Variants in AFF4 observed in about 807,000 individuals in gnomAD.
AFF4 encodes AF4/FMR2 family member 4.
AFF4 carries 13 observed loss-of-function variants against 124.8 expected under a neutral mutation model. The ratio of observed to expected loss-of-function variants is 0.10; its 90% CI spans 0.07 to 0.17. The LOEUF (loss-of-function observed/expected upper bound fraction) is 0.17, where lower values mean the gene tolerates loss of function less well. Among genes scored for constraint, AFF4 ranks in the 10% least tolerant of loss-of-function variants. AFF4 has a pLI of 1.00. For missense variants in AFF4, 1,092 were observed against 1,403.8 expected, an observed-to-expected ratio of 0.78 and a Z score of 3.55; for synonymous variants, 477 against 496.1, an observed-to-expected ratio of 0.96 and a Z score of 0.51.
At chr5:132,882,366 T>C (rs1027198754) in intron 20 of AFF4, among the ~76,000 whole-genome samples, 1 of 152,206 alleles carries the variant, frequency 6.6e-6, no homozygotes, top group African/African-American at 2.4e-5. Flanking sequence ...TTGGCTAATG[T>C]AGTGTTTCTC....
At chr5:132,913,362 A>G (rs1317022077) in intron 5 of AFF4, among the ~76,000 whole-genome samples, 9 of 152,240 alleles carry the variant, frequency 5.9e-5, no homozygotes, top group Admixed American at 5.2e-4. Context: ...TAATTGATAG[A>G]ATTAAAATGA....
chr5:132,885,013 T>G (rs746298672), intron 19 of AFF4, 63 bp downstream of exon 19: 138 of 1,219,664 alleles, frequency 1.1e-4, no homozygotes, highest in Non-Finnish European at 1.5e-4. Context: ...TTTTGGAAAT[T>G]GGACCATACT....
intron 1 of AFF4, among the ~76,000 whole-genome samples, chr5:132,957,981 C>T (rs1761999413): frequency 6.6e-6 from 1 of 151,982 alleles, no homozygotes; most frequent in Non-Finnish European, 1.5e-5. Flanking sequence ...TATTTACAGA[C>T]CTTATTTGGA....
chr5:132,962,705 C>A (rs1197589262), intron 1 of AFF4, among the ~76,000 whole-genome samples: 2 of 151,822 alleles, frequency 1.3e-5, no homozygotes, highest in African/African-American at 4.8e-5. Flanking sequence ...GGTAACAGAC[C>A]GATTCAGAAG....
chr5:132,890,757 T>C (rs912262111), intron 13 of AFF4, among the ~76,000 whole-genome samples: 12 of 152,180 alleles, frequency 7.9e-5, no homozygotes, highest in Admixed American at 3.9e-4. Flanking sequence ...TATTCCATAT[T>C]TTGTTGAAAA....
intron 1 of AFF4, chr5:132,942,983 C>G (rs768996868): frequency 9.3e-6 from 2 of 215,454 alleles, no homozygotes; most frequent in African/African-American, 2.3e-5. Context: ...CTTGGATAAA[C>G]TGAAAGCTGA....
chr5:132,949,601 G>A (rs1223956969), intron 1 of AFF4, among the ~76,000 whole-genome samples: 4 of 151,742 alleles, frequency 2.6e-5, no homozygotes, highest in African/African-American at 4.8e-5. Flanking sequence ...CACAAGGCCA[G>A]GAGACTGAGA....
At chr5:132,895,122 G>C (rs1760356366) in intron 11 of AFF4, among the ~76,000 whole-genome samples, 1 of 152,104 alleles carries the variant, frequency 6.6e-6, no homozygotes, top group Admixed American at 6.5e-5. Flanking sequence ...CCACAGCCAA[G>C]TCCAGCGATC....
chr5:132,939,089 G>C (rs957474816), intron 1 of AFF4, among the ~76,000 whole-genome samples: 1 of 150,714 alleles, frequency 6.6e-6, no homozygotes, highest in African/African-American at 2.4e-5. Flanking sequence ...GTGTGGTGGT[G>C]GACACCTGTA....
intron 11 of AFF4, among the ~76,000 whole-genome samples, chr5:132,895,611 T>G (rs1328805135): frequency 6.6e-6 from 1 of 152,232 alleles, no homozygotes; most frequent in African/African-American, 2.4e-5. Flanking sequence ...CTTTACATTC[T>G]CCTGTAAATT....
chr5:132,935,432 C>G (rs1761401777), intron 2 of AFF4, among the ~76,000 whole-genome samples: 1 of 152,124 alleles, frequency 6.6e-6, no homozygotes, highest in Non-Finnish European at 1.5e-5. Context: ...TCCAGACCAG[C>G]CTGGCCAACA....
At chr5:132,937,290 C>A in intron 1 of AFF4, 97 bp from the exon 2 acceptor site, 1 of 1,380,522 alleles carries the variant, frequency 7.2e-7, no homozygotes, top group Non-Finnish European at 9.6e-7. Flanking sequence ...ATCACAGATT[C>A]CCTTTTGACC....
intron 5 of AFF4, among the ~76,000 whole-genome samples, chr5:132,912,737 AAAC>A (rs975157324): frequency 6.6e-6 from 1 of 152,194 alleles, no homozygotes; most frequent in African/African-American, 2.4e-5. Context: ...AGTAAAACAT[AAAC>A]AACAATCATA....
intron 9 of AFF4, among the ~76,000 whole-genome samples, chr5:132,898,736 G>C (rs747886299): frequency 6.6e-6 from 1 of 151,712 alleles, no homozygotes; most frequent in African/African-American, 2.4e-5. Context: ...CACCCGCCTC[G>C]GCCTCCCAAA....
intron 5 of AFF4, among the ~76,000 whole-genome samples, chr5:132,916,402 AT>A (rs75713025): frequency 0.12 from 17,462 of 149,866 alleles, 1,271 homozygotes; most frequent in South Asian, 0.2. Context: ...GTTTCCATAA[AT>A]TTTTTTTTTT....
rs937689010 is a variant in AFF4, at chr5:132,881,004, C to T, written c.*55G>A. On this transcript the variant is annotated 3_prime_UTR_variant, in exon 21 of 21. Coordinates refer to ENST00000265343, the MANE Select transcript of AFF4 (RefSeq NM_014423.4). ...GTGGTATGTTATGGCAGTTTTCCTT[C>T]GTGATGTGACACAGTGTTGTGGAGA... 41 of 1,573,614 alleles carry T rather than the reference C, an allele frequency of 2.6e-5. No individual in the cohort carries two copies. The South Asian group carries it at 3.3e-4, about 13-fold the overall frequency.
chr5:132,883,431 C>G lies in AFF4; in HGVS notation c.3273G>C (p.Gln1091His), dbSNP rs1218946760. ...TGACCTGAACATAGCTGGCTGCCAT[C>G]TGGTGGATCTTCTGTGGAATGGTCA... ...SSVTIPQKIH[Q>H]MAASYVQVTS... Residue 1091 changes from glutamine (Q) to histidine (H), a missense_variant, in exon 20 of 21, where the codon CAG (glutamine) becomes CAC (histidine). Transcript: ENST00000265343. 2 of 1,613,986 alleles carry G rather than the reference C, an allele frequency of 1.2e-6. No homozygotes were observed. Among genetic ancestry groups the G allele is most frequent in the Non-Finnish European group, 1.7e-6 (2 of 1,180,046 alleles).
Position 132,953,163 on chromosome 5 carries a change from T to C in AFF4, c.-5+10096A>G, listed in dbSNP as rs1349942030. ...CAACATAGGGAGAATCTGTCTCTAC[T>C]AAAAAAAAAAAAAAATTGTATTATC... On this transcript the variant is annotated intron_variant, in intron 1 of 20. Coordinates refer to ENST00000265343, the MANE Select transcript of AFF4 (RefSeq NM_014423.4). 5.6e-5 allele frequency among the ~76,000 whole-genome samples: 8 copies of C among 143,396 alleles called. No individual in the cohort carries two copies. The Admixed American group carries it at 5.7e-4, about 10-fold the overall frequency. 94.1% of individuals were successfully genotyped at this position (143,396 alleles called of 152,430 possible). A position where few individuals can be genotyped will look rare whatever the true frequency, so the allele number is the denominator to read the frequency against.
chr5:132,932,191 T>C lies in AFF4; in HGVS notation c.950A>G (p.Asp317Gly), dbSNP rs1761316032. The C allele has an allele frequency of 1.2e-6, 2 of 1,600,348 alleles. No homozygotes were observed. The highest frequency in any genetic ancestry group is 2.2e-5 in the East Asian group (1 of 44,538). Residue 317 changes from aspartate to glycine, a missense_variant, in exon 4 of 21, where the codon GAT becomes GGT. Asp to Gly is a moderately conservative substitution (Grantham distance 94). Transcript: ENST00000265343. ...TAAAAAACTTACTTTTAGGATTTCA[T>C]CCACACAGCTCACATCACCAGAAGC... is the stretch of plus-strand genomic sequence containing the variant. The part of the protein sequence containing the change: ...ASASGDVSCV[D>G]EILKEMTHSW...
Sources: gnomAD v4.1 joint callset for allele counts (sites outside exome capture counted in the v4.1 genomes callset) on GRCh38, gnomAD v4.1.1 for gene constraint, MANE v1.5 for transcripts, NCBI Gene and HGNC (gene_info 2026-07-23, HGNC 2026-07-21) for gene names.